RPH3A: variants seen among roughly 807,000 people sequenced by gnomAD.
RPH3A encodes rabphilin 3A, also known as rabphilin-3A.
A neutral mutation model predicts 102.2 loss-of-function variants in RPH3A; 48 were observed. That is an observed-to-expected ratio of 0.47 (90% CI 0.37 to 0.60). The LOEUF is 0.60. Among genes scored for constraint, RPH3A ranks in the 20% least tolerant of loss-of-function variants. The pLI, the probability that RPH3A is intolerant of heterozygous loss-of-function variation, is 0.00. For missense variants in RPH3A, 781 were observed against 910.1 expected, an observed-to-expected ratio of 0.86 and a Z score of 1.83; for synonymous variants, 310 against 324.3, an observed-to-expected ratio of 0.96 and a Z score of 0.47.
chr12:112,877,419 T>TACACACACACACACACACACACACAC (rs3038114), intron 13 of RPH3A, among the ~76,000 whole-genome samples: 5 of 141,564 alleles, frequency 3.5e-5, no homozygotes, highest in Admixed American at 1.4e-4. Context: ...CACACACGTA[T>TACACACACACACACACACACACACAC]ACACACACAC....
chr12:112,831,568 T>TA (rs1027832464), intron 3 of RPH3A, among the ~76,000 whole-genome samples: 1 of 152,032 alleles, frequency 6.6e-6, no homozygotes, highest in Non-Finnish European at 1.5e-5. Flanking sequence ...TTTTTTTTTT[T>TA]AATTTGCCTG....
chr12:112,811,147 C>G (rs1199282477), intron 2 of RPH3A, among the ~76,000 whole-genome samples: 3 of 152,192 alleles, frequency 2.0e-5, no homozygotes, highest in Non-Finnish European at 4.4e-5. Flanking sequence ...GTATCTTCAA[C>G]TGATCGAATA....
At position 112,668,566 on chromosome 12, in the gene RPH3A, A is replaced by G. The variant is rs571539966; in HGVS notation, c.-140+93247A>G. On this transcript the variant is annotated intron_variant, in intron 1 of 21. Transcript: ENST00000543106. ...CAGCAAACTAACACAGGAACAGAAA[A>G]CCAAACACCACATGTTCTCACTCAT... 2.0e-5 allele frequency among the ~76,000 whole-genome samples: 3 copies of G among 152,272 alleles called. No homozygotes were observed. In the South Asian group the frequency reaches 6.2e-4, roughly 32 times the overall value.
chr12:112,887,278 C>T (rs7958358), intron 16 of RPH3A, among the ~76,000 whole-genome samples: 66,261 of 152,078 alleles, frequency 0.44, 14,854 homozygotes, highest in East Asian at 0.59. Flanking sequence ...TATTATGGTA[C>T]ATTTACACAG....
At chr12:112,723,307 G>A (rs2040564055) in intron 1 of RPH3A, among the ~76,000 whole-genome samples, 1 of 152,284 alleles carries the variant, frequency 6.6e-6, no homozygotes, top group East Asian at 1.9e-4. Flanking sequence ...GATATGTATT[G>A]TATACTGTAG....
chr12:112,860,487 G>A (rs1157375648), intron 5 of RPH3A, among the ~76,000 whole-genome samples: 1 of 152,218 alleles, frequency 6.6e-6, no homozygotes. Flanking sequence ...GAAAGGAGCA[G>A]GCAATAGGTG....
At chr12:112,799,144 T>C (rs1367827336) in intron 2 of RPH3A, among the ~76,000 whole-genome samples, 1 of 152,114 alleles carries the variant, frequency 6.6e-6, no homozygotes. Context: ...CCCTGCACTT[T>C]GGGAAGCCAG....
At chr12:112,583,115 A>T (rs2039412291) in intron 1 of RPH3A, among the ~76,000 whole-genome samples, 1 of 152,198 alleles carries the variant, frequency 6.6e-6, no homozygotes, top group South Asian at 2.1e-4. Context: ...TTCATGCTTT[A>T]TTAAGTCCTC....
intron 5 of RPH3A, among the ~76,000 whole-genome samples, chr12:112,857,377 G>A (rs1303100399): frequency 6.6e-6 from 1 of 152,184 alleles, no homozygotes; most frequent in Non-Finnish European, 1.5e-5. Flanking sequence ...CTTTGCAGCT[G>A]TGATAGTTAT....
In RPH3A at chr12:112,599,336, A is replaced by G. The variant is rs114109915; in HGVS notation, c.-140+24017A>G. Among the ~76,000 whole-genome samples, 310 of 152,336 alleles carry G rather than the reference A, an allele frequency of 2.0e-3. 2 individuals are homozygous for G. The highest frequency in any genetic ancestry group is 7.3e-3 in the African/African-American group (304 of 41,578). The stretch of plus-strand genomic sequence containing the variant: ...GCCTCTGAAATAGAAGAAGAAAACC[A>G]TAAAACTGAATTTAAATTAATACAT... On this transcript the variant is annotated intron_variant, in intron 1 of 21. Coordinates refer to the RPH3A transcript ENST00000543106.
chr12:112,875,778 C>T (rs1383676338), intron 12 of RPH3A, 37 bp downstream of exon 12: 4 of 1,584,500 alleles, frequency 2.5e-6, no homozygotes, highest in South Asian at 2.2e-5. Flanking sequence ...GCCCAAGTGG[C>T]CACCTCTCCC....
At chr12:112,874,596 C>T (rs2042762692) in intron 10 of RPH3A, among the ~76,000 whole-genome samples, 1 of 152,154 alleles carries the variant, frequency 6.6e-6, no homozygotes, top group Non-Finnish European at 1.5e-5. Flanking sequence ...ATATGGGAAA[C>T]AGCAGGAAGG....
At chr12:112,599,884 G>C (rs1316387040) in intron 1 of RPH3A, among the ~76,000 whole-genome samples, 2 of 152,140 alleles carry the variant, frequency 1.3e-5, no homozygotes, top group Non-Finnish European at 2.9e-5. Flanking sequence ...CATCATTTCT[G>C]CCACTAACTA....
chr12:112,710,415 G>A (rs1223678380), intron 1 of RPH3A, among the ~76,000 whole-genome samples: 1 of 152,194 alleles, frequency 6.6e-6, no homozygotes, highest in African/African-American at 2.4e-5. Flanking sequence ...TAGGAGGGGC[G>A]GTTTGAAGCT....
At chr12:112,622,397 A>G (rs1338274744) in intron 1 of RPH3A, among the ~76,000 whole-genome samples, 3 of 60,460 alleles carry the variant, frequency 5.0e-5, no homozygotes, top group African/African-American at 7.4e-5. Context: ...AGGCTCGAGA[A>G]CTACGTGAAG....
At chr12:112,797,224 T>C (rs1226955965) in intron 2 of RPH3A, among the ~76,000 whole-genome samples, 1 of 152,206 alleles carries the variant, frequency 6.6e-6, no homozygotes, top group Non-Finnish European at 1.5e-5. Context: ...GGCTCTGCTC[T>C]TGGTTAAAGA....
chr12:112,798,099 C>T (rs892125829), intron 2 of RPH3A, among the ~76,000 whole-genome samples: 3 of 152,172 alleles, frequency 2.0e-5, no homozygotes, highest in East Asian at 3.8e-4. Context: ...GTGGTTTCCT[C>T]GAAGTAATTG....
upstream of RPH3A, among the ~76,000 whole-genome samples, chr12:112,788,956 C>T (rs563201558): frequency 3.9e-5 from 6 of 152,180 alleles, no homozygotes; most frequent in South Asian, 8.3e-4. Flanking sequence ...GTCAGGAGTT[C>T]GAGACCAGCC....
At chr12:112,794,723 G>C (rs1017137741) in intron 2 of RPH3A, among the ~76,000 whole-genome samples, 3 of 152,136 alleles carry the variant, frequency 2.0e-5, no homozygotes, top group Non-Finnish European at 2.9e-5. Context: ...ACCCTTTCCA[G>C]GGGGGCCCAG....
Sources: gnomAD v4.1 joint callset for allele counts (sites outside exome capture counted in the v4.1 genomes callset) on GRCh38, gnomAD v4.1.1 for gene constraint, MANE v1.5 for transcripts, NCBI Gene and HGNC (gene_info 2026-07-23, HGNC 2026-07-21) for gene names.